The following BSN variants were observed in gnomAD, a reference collection of about 807,000 sequenced individuals.
BSN encodes protein bassoon.
BSN carries 57 observed loss-of-function variants against 264.8 expected under a neutral mutation model. That is an observed-to-expected ratio of 0.22 (90% CI 0.17 to 0.27). BSN has a LOEUF of 0.27. BSN is among the 10% of genes least tolerant of loss of function. BSN has a pLI of 1.00. For missense variants in BSN, 4,615 were observed against 5,232.5 expected (o/e 0.88, Z 3.64); for synonymous variants, 2,059 against 2,137.3 (o/e 0.96, Z 1.01).
chr3:49,589,896 G>T lies in BSN; in HGVS notation c.224+35070G>T, dbSNP rs1386744678. Among the ~76,000 whole-genome samples the T allele has an allele frequency of 8.9e-4, 115 of 128,646 alleles. No individual in the cohort carries two copies. In the Middle Eastern group the frequency reaches 0.024, roughly 26 times the overall value. 84.4% of individuals were successfully genotyped at this position (128,646 alleles called of 152,430 possible). Reference sequence around the variant, plus strand: ...CTCTGTCGCCAGGCTGGAGTGCAGTGGCGCAATCTCAGCTCACTGCAACCT... The same window carrying T: ...CTCTGTCGCCAGGCTGGAGTGCAGTTGCGCAATCTCAGCTCACTGCAACCT... On this transcript the variant is annotated intron_variant, in intron 1 of 11. Transcript: ENST00000296452.
chr3:49,575,637 T>TATATATAC lies in BSN; in HGVS notation c.224+20818_224+20819insCATATATA, dbSNP rs2051840280. On this transcript the variant is annotated intron_variant, in intron 1 of 11. Coordinates refer to ENST00000296452, the MANE Select transcript of BSN (RefSeq NM_003458.4). ...TGTGTATATATATAGTATATATATG[T>TATATATAC]ATATATATGTGTGTGTGTGTGTATA... Among the ~76,000 whole-genome samples the TATATATAC allele has an allele frequency of 6.4e-5, 6 of 93,294 alleles. No homozygotes were observed. The South Asian group carries it at 2.7e-3, about 43-fold the overall frequency. 61.2% of individuals were successfully genotyped at this position (93,294 alleles called of 152,430 possible). A position where few individuals can be genotyped will look rare whatever the true frequency, so the allele number is the denominator to read the frequency against.
In BSN at chr3:49,629,909, G is replaced by A. The variant is rs146675724; in HGVS notation, c.633+4526G>A. ...AAGGTCTGGACTTTGCTGAGGCCAA[G>A]CCAAGGATATTTAACCCATACCATC... On this transcript the variant is annotated intron_variant, in intron 2 of 11. Coordinates refer to ENST00000296452, the MANE Select transcript of BSN (RefSeq NM_003458.4). 1.7e-3 allele frequency among the ~76,000 whole-genome samples: 256 copies of A among 152,360 alleles called. 5 individuals carry two copies. In the East Asian group the frequency reaches 0.047, roughly 28 times the overall value.
At chr3:49,615,937 G>A (rs2052256477) in intron 1 of BSN, among the ~76,000 whole-genome samples, 1 of 152,138 alleles carries the variant, frequency 6.6e-6, no homozygotes. Flanking sequence ...TATGCCAAGG[G>A]GTTGAGGAAT....
At chr3:49,576,080 GGTGTTGTCT>G (rs2051843453) in intron 1 of BSN, among the ~76,000 whole-genome samples, 1 of 152,108 alleles carries the variant, frequency 6.6e-6, no homozygotes, top group African/African-American at 2.4e-5. Flanking sequence ...TAAGAGACAA[GGTGTTGTCT>G]CTTACTGAAT....
At position 49,554,728 on chromosome 3, in the gene BSN, T is replaced by A; in HGVS notation, c.126T>A (p.Gly42=). ...GAAAGCCGCCTTCAGCACCGGCCGG[T>A]GGCGGACAGCTCCCCGCGGCGGGAG... ...GAGKPPSAPA[G]GGQLPAAGAA... The change falls in exon 1 of 12, where the codon GGT becomes GGA. Residue 42 remains glycine (G), a synonymous_variant. Transcript: ENST00000296452. The A allele has an allele frequency of 8.2e-7, 1 of 1,220,728 alleles. No individual in the cohort carries two copies. Among genetic ancestry groups the A allele is most frequent in the Non-Finnish European group, 1.0e-6 (1 of 977,936 alleles). The allele number at this position is 1,220,728 out of a possible 1,614,324, so 75.6% of individuals were successfully genotyped here. A position where few individuals can be genotyped will look rare whatever the true frequency, so the allele number is the denominator to read the frequency against.
intron 1 of BSN, among the ~76,000 whole-genome samples, chr3:49,555,092 C>T (rs2051654875): frequency 6.6e-6 from 1 of 152,158 alleles, no homozygotes; most frequent in African/African-American, 2.4e-5. Context: ...TCGCTTCTCC[C>T]CAACGCTCGG....
At chr3:49,555,210 A>G (rs2051655827) in intron 1 of BSN, among the ~76,000 whole-genome samples, 2 of 152,206 alleles carry the variant, frequency 1.3e-5, no homozygotes, top group Non-Finnish European at 2.9e-5. Context: ...GCATGTGTCC[A>G]TTGTGCTGGG....
intron 1 of BSN, among the ~76,000 whole-genome samples, chr3:49,608,870 G>A (rs1008143035): frequency 4.0e-5 from 6 of 151,536 alleles, no homozygotes; most frequent in African/African-American, 9.7e-5. Flanking sequence ...AGGTCAATAC[G>A]TCCTTAGCAT....
At chr3:49,618,574 G>A (rs1474571147) in intron 1 of BSN, among the ~76,000 whole-genome samples, 2 of 152,170 alleles carry the variant, frequency 1.3e-5, no homozygotes, top group Non-Finnish European at 2.9e-5. Flanking sequence ...ACTATCACAC[G>A]ATTGCTGGGA....
chr3:49,575,323 T>C (rs919190965), intron 1 of BSN, among the ~76,000 whole-genome samples: 53 of 151,610 alleles, frequency 3.5e-4, no homozygotes, highest in African/African-American at 1.3e-3. Context: ...CACTGCACTC[T>C]AACCTGGGCA....
chr3:49,566,917 C>T (rs1575425090), intron 1 of BSN, among the ~76,000 whole-genome samples: 1 of 150,062 alleles, frequency 6.7e-6, no homozygotes, highest in South Asian at 2.1e-4. Flanking sequence ...TTAGCTAGAT[C>T]CATTATTTCA....
intron 1 of BSN, among the ~76,000 whole-genome samples, chr3:49,613,303 C>CGAGAGAGAGAGAGAGAGAGA (rs752108805): frequency 0.015 from 711 of 47,326 alleles, 195 homozygotes; most frequent in East Asian, 0.024. Context: ...ACACACAGAG[C>CGAGAGAGAGAGAGAGAGAGA]GAGAGAGAGA....
In BSN at chr3:49,560,075, T is replaced by C. The variant is rs552566741; in HGVS notation, c.224+5249T>C. On this transcript the variant is annotated intron_variant, in intron 1 of 11. Coordinates refer to ENST00000296452, the MANE Select transcript of BSN (RefSeq NM_003458.4). ...TTTCAGAGGAAAGTTGTTTTTTTTT[T>C]CCCCCAGAAAAGTCATGCCTTTCAC... Among the ~76,000 whole-genome samples the C allele has an allele frequency of 2.7e-3, 405 of 152,200 alleles. 2 individuals carry two copies. Among genetic ancestry groups the C allele is most frequent in the African/African-American group, 9.5e-3 (395 of 41,526 alleles).
In BSN at chr3:49,642,611, C is replaced by A; in HGVS notation, c.977C>A (p.Ala326Asp). The A allele has an allele frequency of 1.2e-6, 2 of 1,602,952 alleles. No homozygotes were observed. Among genetic ancestry groups the A allele is most frequent in the East Asian group, 2.2e-5 (1 of 44,700 alleles). ...EPRPPAGEAP[A>D]KSATAVPAGL... ...AGGCCACCTGCAGGAGAGGCCCCGG[C>A]CAAAAGTGCCACCGCAGTGCCCGCT... Residue 326 changes from alanine to aspartate, a missense_variant, in exon 3 of 12, where the codon GCC (alanine) becomes GAC (aspartate). Ala to Asp is a moderately radical substitution (Grantham distance 126). Transcript: ENST00000296452. This position sits in a 1 kb window ranked among gnomAD's most constrained non-coding sequence, Gnocchi z 7.0.
chr3:49,626,195 G>A (rs937466845), intron 2 of BSN, among the ~76,000 whole-genome samples: 1 of 152,154 alleles, frequency 6.6e-6, no homozygotes, highest in South Asian at 2.1e-4. Context: ...AATGAACAGA[G>A]TAGGTCTGCT....
chr3:49,569,631 C>T (rs1301634852), intron 1 of BSN, among the ~76,000 whole-genome samples: 5 of 152,180 alleles, frequency 3.3e-5, no homozygotes, highest in Admixed American at 1.3e-4. Flanking sequence ...CGTCCATCCT[C>T]ATCTTCACAG....
chr3:49,656,511 A>G lies in BSN; in HGVS notation c.6955A>G (p.Ile2319Val), dbSNP rs1475919081. 6.3e-7 allele frequency: 1 copy of G among 1,582,188 alleles called. No homozygotes were observed. Among genetic ancestry groups the G allele is most frequent in the Non-Finnish European group, 8.6e-7 (1 of 1,163,262 alleles). Residue 2319 changes from isoleucine to valine, a missense_variant, in exon 5 of 12, where the codon ATC becomes GTC. By Grantham distance (29) the Ile-to-Val change is conservative. Coordinates refer to ENST00000296452, the MANE Select transcript of BSN (RefSeq NM_003458.4). Reference sequence around the variant, plus strand: ...TCTTCCCACAACCACCCCTGCTGCCATCAAGGAGGCTGCAGGAGCCCCAGC... The same window carrying G: ...TCTTCCCACAACCACCCCTGCTGCCGTCAAGGAGGCTGCAGGAGCCCCAGC... ...EPLPTTTPAA[I>V]KEAAGAPAPA...
chr3:49,590,420 G>C (rs75556848), intron 1 of BSN, among the ~76,000 whole-genome samples: 2,863 of 151,750 alleles, frequency 0.019, 217 homozygotes, highest in Admixed American at 0.12. Context: ...CTGGCATTTT[G>C]GTTTTTTACT....
Position 49,652,020 on chromosome 3 carries a change from G to A in BSN, c.2464G>A (p.Gly822Ser), listed in dbSNP as rs1407311356. 1.2e-6 allele frequency: 2 copies of A among 1,612,182 alleles called. No individual in the cohort carries two copies. Among genetic ancestry groups the A allele is most frequent in the Non-Finnish European group, 1.7e-6 (2 of 1,178,648 alleles). ...HDYVEDSSEG[G>S]LSPLPPQPPA... ...CTATGTGGAGGACAGCAGTGAGGGT[G>A]GCCTGTCCCCTCTTCCACCCCAGCC... The change falls in exon 5 of 12, where the codon GGC becomes AGC. Residue 822 changes from glycine to serine, a missense_variant. Around this residue, in one of 3 missense-constraint regions of BSN, gnomAD observed 1,197 missense variants for 1,348.0 expected, o/e 0.89. Coordinates refer to ENST00000296452, the MANE Select transcript of BSN (RefSeq NM_003458.4).
Sources: gnomAD v4.1 joint callset for allele counts (sites outside exome capture counted in the v4.1 genomes callset) on GRCh38, gnomAD v4.1.1 for gene constraint, gnomAD v4.1.1 regional missense constraint, Gnocchi (gnomAD v3.1) non-coding constraint, MANE v1.5 for transcripts, NCBI Gene and HGNC (gene_info 2026-07-23, HGNC 2026-07-21) for gene names.